RHOJ: variants seen among roughly 807,000 people sequenced by gnomAD.
The protein encoded by RHOJ is ras homolog family member J.
RHOJ carries 11 observed loss-of-function variants against 23.4 expected under a neutral mutation model. The observed-to-expected ratio is 0.47, with a 90% CI of 0.30 to 0.78. The LOEUF is 0.78. Among genes scored for constraint, RHOJ ranks in the 30% least tolerant of loss-of-function variants. The probability of loss-of-function intolerance (pLI) is 0.08; values close to 1 mark genes in which losing one functional copy is unlikely to be tolerated. For synonymous variants in RHOJ, 102 were observed against 102.7 expected (o/e 0.99, Z 0.04); for missense variants, 254 against 273.4 (o/e 0.93, Z 0.50).
chr14:63,224,943 C>G (rs1470096079), intron 1 of RHOJ, among the ~76,000 whole-genome samples: 1 of 139,892 alleles, frequency 7.1e-6, no homozygotes, highest in Non-Finnish European at 1.5e-5. Context: ...AATAAACTAT[C>G]ATTTATACTT....
At chr14:63,226,846 T>C (rs981584823) in intron 1 of RHOJ, among the ~76,000 whole-genome samples, 1 of 152,086 alleles carries the variant, frequency 6.6e-6, no homozygotes, top group African/African-American at 2.4e-5. Flanking sequence ...AAAGATCAGG[T>C]CACGTAATGA....
chr14:63,291,133 G>T lies in RHOJ; in HGVS notation c.*109G>T. On this transcript the variant is annotated 3_prime_UTR_variant, in exon 5 of 5. Transcript: ENST00000316754. ...GCACGACCAGAAAGGAACTCCCTTT[G>T]CACGGAGGCTTGCCCCATCACCCTC... The T allele has an allele frequency of 7.7e-7, 1 of 1,294,878 alleles. No homozygotes were observed. The highest frequency in any genetic ancestry group is 1.1e-6 in the Non-Finnish European group (1 of 907,800). The allele number at this position is 1,294,878 out of a possible 1,614,324, so 80.2% of individuals were successfully genotyped here. A position where few individuals can be genotyped will look rare whatever the true frequency, so the allele number is the denominator to read the frequency against.
chr14:63,234,603 A>G (rs575531111), intron 1 of RHOJ, among the ~76,000 whole-genome samples: 44 of 152,332 alleles, frequency 2.9e-4, no homozygotes. Context: ...AAAGCCTTTG[A>G]ATATATAACC....
At chr14:63,277,957 A>G (rs1435286748) in intron 2 of RHOJ, among the ~76,000 whole-genome samples, 2 of 147,796 alleles carry the variant, frequency 1.4e-5, no homozygotes, top group Non-Finnish European at 3.0e-5. Flanking sequence ...CTGCCTCACC[A>G]GCTACACAAA....
intron 2 of RHOJ, 59 bp from the exon 3 acceptor site, chr14:63,280,912 G>C (rs1881876228): frequency 6.7e-7 from 1 of 1,497,636 alleles, no homozygotes. Flanking sequence ...TCTGACCTTG[G>C]AACTACATGG....
intron 3 of RHOJ, among the ~76,000 whole-genome samples, chr14:63,282,797 C>T (rs1198290826): frequency 6.6e-6 from 1 of 151,664 alleles, no homozygotes; most frequent in African/African-American, 2.4e-5. Flanking sequence ...GATTGGTTAT[C>T]TTGCATGCCC....
chr14:63,253,401 A>T (rs1001262175), intron 1 of RHOJ, among the ~76,000 whole-genome samples: 7 of 146,216 alleles, frequency 4.8e-5, no homozygotes, highest in African/African-American at 1.8e-4. Flanking sequence ...CAAGTAGCTA[A>T]TTTTTTTTTT....
chr14:63,263,225 A>G (rs748209665), intron 1 of RHOJ, among the ~76,000 whole-genome samples: 2 of 152,160 alleles, frequency 1.3e-5, no homozygotes, highest in Non-Finnish European at 2.9e-5. Context: ...CGAATACAGA[A>G]CTATCTGACT....
At chr14:63,210,848 T>A (rs1232229358) in intron 1 of RHOJ, among the ~76,000 whole-genome samples, 3 of 152,214 alleles carry the variant, frequency 2.0e-5, no homozygotes, top group Non-Finnish European at 4.4e-5. Flanking sequence ...CTTTACGATG[T>A]TCACCATTTC....
At chr14:63,216,735 A>C (rs7142041) in intron 1 of RHOJ, among the ~76,000 whole-genome samples, 112,443 of 152,096 alleles carry the variant, frequency 0.74, 44,436 homozygotes, top group South Asian at 0.9. Context: ...CAAACTTTTC[A>C]AAAGAGACAA....
intron 2 of RHOJ, among the ~76,000 whole-genome samples, chr14:63,276,707 C>G (rs528239432): frequency 6.6e-6 from 1 of 152,306 alleles, no homozygotes; most frequent in East Asian, 1.9e-4. Flanking sequence ...TGATCAGAAA[C>G]AGACTTCTCT....
intron 1 of RHOJ, among the ~76,000 whole-genome samples, chr14:63,248,502 A>G (rs1895014951): frequency 6.6e-6 from 1 of 152,170 alleles, no homozygotes; most frequent in South Asian, 2.1e-4. Flanking sequence ...TCCAGAAGGG[A>G]ATTCCATATT....
At chr14:63,283,469 T>A (rs1001596964) in intron 4 of RHOJ, among the ~76,000 whole-genome samples, 4 of 152,244 alleles carry the variant, frequency 2.6e-5, no homozygotes, top group African/African-American at 9.6e-5. Flanking sequence ...GAAGCACTTA[T>A]CATTTGATTT....
chr14:63,221,900 T>C (rs1219068705), intron 1 of RHOJ, among the ~76,000 whole-genome samples: 3 of 152,048 alleles, frequency 2.0e-5, no homozygotes, highest in Non-Finnish European at 4.4e-5. Context: ...TGTATACATG[T>C]GCCATGATGG....
At chr14:63,269,494 G>A (rs1053652124) in intron 2 of RHOJ, among the ~76,000 whole-genome samples, 1 of 152,078 alleles carries the variant, frequency 6.6e-6, no homozygotes, top group Admixed American at 6.5e-5. Flanking sequence ...GGATTCATAG[G>A]TCAGTTTCAT....
At chr14:63,249,053 C>T (rs1359597564) in intron 1 of RHOJ, among the ~76,000 whole-genome samples, 3 of 152,214 alleles carry the variant, frequency 2.0e-5, no homozygotes, top group Non-Finnish European at 4.4e-5. Flanking sequence ...GGATATACAA[C>T]AGGTTTAAAC....
chr14:63,223,461 C>A (rs1369984860), intron 1 of RHOJ, among the ~76,000 whole-genome samples: 2 of 152,204 alleles, frequency 1.3e-5, no homozygotes, highest in African/African-American at 2.4e-5. Flanking sequence ...AAACTCCATT[C>A]TCTCATCCCC....
chr14:63,281,120 C>T lies in RHOJ; in HGVS notation c.387C>T (p.Val129=). ...LKDCMPHVPY[V]LIGTQIDLRD... ...ACTGCATGCCTCACGTGCCTTATGT[C>T]CTCATAGGGACCCAGGTTAAAATGT... Residue 129 remains valine, a synonymous_variant, in exon 3 of 5, where the codon GTC becomes GTT. Transcript: ENST00000316754. 1 of 1,611,342 alleles carries T rather than the reference C, an allele frequency of 6.2e-7. No homozygotes were observed. Among genetic ancestry groups the T allele is most frequent in the Non-Finnish European group, 8.5e-7 (1 of 1,179,070 alleles).
chr14:63,286,913 G>A (rs182699050), intron 4 of RHOJ, among the ~76,000 whole-genome samples: 19 of 152,262 alleles, frequency 1.2e-4, no homozygotes, highest in African/African-American at 3.6e-4. Context: ...TTGAGATGGC[G>A]GCTTTTCTCT....
Sources: allele counts gnomAD v4.1 joint callset (sites outside exome capture counted in the v4.1 genomes callset), GRCh38; gene constraint gnomAD v4.1.1; transcripts MANE v1.5; gene names NCBI Gene and HGNC (gene_info 2026-07-23, HGNC 2026-07-21).